Variants in AKAP19 observed in about 807,000 individuals in gnomAD.
AKAP19 encodes small A-kinase anchoring protein.
chr2:189,901,890 G>T, the AKAP19 span, among the ~76,000 whole-genome samples: 1 of 151,904 alleles, frequency 6.6e-6, no homozygotes, highest in South Asian at 2.1e-4. Flanking sequence ...TCTGTCAAAT[G>T]GATATAATAA....
chr2:190,145,400 T>G, the AKAP19 span, among the ~76,000 whole-genome samples: 2 of 152,210 alleles, frequency 1.3e-5, no homozygotes, highest in African/African-American at 4.8e-5. Flanking sequence ...GTTCTAATTT[T>G]TTGCTTTATG....
At chr2:189,903,452 G>T in the AKAP19 span, among the ~76,000 whole-genome samples, 1 of 151,686 alleles carries the variant, frequency 6.6e-6, no homozygotes, top group Non-Finnish European at 1.5e-5. Context: ...TTTTTTCATT[G>T]TAGTTTAAGT....
the AKAP19 span, among the ~76,000 whole-genome samples, chr2:190,082,450 C>T: frequency 2.0e-5 from 3 of 152,182 alleles, 1 homozygote; most frequent in South Asian, 6.2e-4. Flanking sequence ...TCTCATCATT[C>T]TTCAGTTGAT....
the AKAP19 span, among the ~76,000 whole-genome samples, chr2:190,050,785 G>A: frequency 6.6e-6 from 1 of 152,186 alleles, no homozygotes; most frequent in African/African-American, 2.4e-5. Context: ...GAGACAATTT[G>A]TTGGGAAGAG....
At chr2:189,964,432 A>C in the AKAP19 span, among the ~76,000 whole-genome samples, 7 of 152,230 alleles carry the variant, frequency 4.6e-5, no homozygotes, top group Admixed American at 6.5e-5. Context: ...CAGCTGCATT[A>C]GCCCTTAAAA....
At chr2:190,057,215 A>C in the AKAP19 span, 13 of 1,610,550 alleles carry the variant, frequency 8.1e-6, no homozygotes, top group Non-Finnish European at 8.5e-6. Flanking sequence ...TTGAGGGGAA[A>C]ACCTTCCATG....
At chr2:190,179,655 C>A in the AKAP19 span, among the ~76,000 whole-genome samples, 1 of 152,132 alleles carries the variant, frequency 6.6e-6, no homozygotes, top group African/African-American at 2.4e-5. This position sits in a 1 kb window ranked among gnomAD's most constrained non-coding sequence, Gnocchi z 6.0. Context: ...TTAAACTTCT[C>A]AACTCTTCTG....
At chr2:190,136,163 G>A in the AKAP19 span, among the ~76,000 whole-genome samples, 1 of 152,210 alleles carries the variant, frequency 6.6e-6, no homozygotes, top group Non-Finnish European at 1.5e-5. Flanking sequence ...TTGAGGAAGG[G>A]ATAGAGTGGC....
the AKAP19 span, among the ~76,000 whole-genome samples, chr2:190,064,373 G>A: frequency 6.6e-6 from 1 of 151,994 alleles, no homozygotes; most frequent in Non-Finnish European, 1.5e-5. Context: ...TATGATCATT[G>A]TAACACATGC....
the AKAP19 span, among the ~76,000 whole-genome samples, chr2:190,176,349 C>T: frequency 2.0e-5 from 3 of 151,916 alleles, no homozygotes; most frequent in South Asian, 4.2e-4. This position sits in a 1 kb window ranked among gnomAD's most constrained non-coding sequence, Gnocchi z 4.7. Context: ...AAGTATGAGA[C>T]ATTTTCTTTT....
the AKAP19 span, among the ~76,000 whole-genome samples, chr2:189,925,177 A>G: frequency 6.6e-6 from 1 of 152,320 alleles, no homozygotes; most frequent in Admixed American, 6.5e-5. Flanking sequence ...ACCTATGAAC[A>G]TGTCCAACTG....
At chr2:190,059,350 C>A in the AKAP19 span, among the ~76,000 whole-genome samples, 1 of 151,826 alleles carries the variant, frequency 6.6e-6, no homozygotes, top group Admixed American at 6.6e-5. Flanking sequence ...TGGCCTGGTA[C>A]TAAATTAGTC....
At chr2:190,060,056 A>G in the AKAP19 span, 1 of 1,610,992 alleles carries the variant, frequency 6.2e-7, no homozygotes, top group Non-Finnish European at 8.5e-7. Context: ...TTCAGTTATC[A>G]CTTACCAGCC....
chr2:189,884,175 C>T, the AKAP19 span, among the ~76,000 whole-genome samples: 1 of 151,920 alleles, frequency 6.6e-6, no homozygotes, highest in Admixed American at 6.6e-5. Flanking sequence ...GTGAATGGAG[C>T]GAACATATTT....
the AKAP19 span, among the ~76,000 whole-genome samples, chr2:190,026,000 T>C: frequency 6.6e-6 from 1 of 152,210 alleles, no homozygotes; most frequent in African/African-American, 2.4e-5. Flanking sequence ...ACTTTGAGCA[T>C]TCTTTTGTTT....
At chr2:189,918,746 A>G in the AKAP19 span, among the ~76,000 whole-genome samples, 1 of 152,226 alleles carries the variant, frequency 6.6e-6, no homozygotes, top group East Asian at 1.9e-4. Context: ...CCAAAAAGTG[A>G]AAACCTAAAT....
chr2:189,928,188 G>A, the AKAP19 span, among the ~76,000 whole-genome samples: 1 of 152,046 alleles, frequency 6.6e-6, no homozygotes, highest in Non-Finnish European at 1.5e-5. Flanking sequence ...CTTCAGATTA[G>A]TATCAGATAT....
the AKAP19 span, among the ~76,000 whole-genome samples, chr2:190,156,339 A>G: frequency 1.3e-5 from 2 of 152,202 alleles, no homozygotes; most frequent in African/African-American, 2.4e-5. Context: ...TAGATTTTAT[A>G]TACATACAAA....
chr2:190,133,651 A>G, the AKAP19 span, among the ~76,000 whole-genome samples: 1 of 152,356 alleles, frequency 6.6e-6, no homozygotes, highest in African/African-American at 2.4e-5. Flanking sequence ...AATGGATGCT[A>G]TTCAGCCTTA....
Sources: gnomAD v4.1 joint callset for allele counts (sites outside exome capture counted in the v4.1 genomes callset) on GRCh38, gnomAD v4.1.1 for gene constraint, Gnocchi (gnomAD v3.1) non-coding constraint, MANE v1.5 for transcripts, NCBI Gene and HGNC (gene_info 2026-07-23, HGNC 2026-07-21) for gene names.